Variants in ZNF184 observed in about 807,000 individuals in gnomAD.
The protein encoded by ZNF184 is zinc finger protein 184.
In ZNF184, 16 loss-of-function variants were observed where a neutral mutation model predicts 54.4. The observed-to-expected ratio is 0.29, with a 90% CI of 0.20 to 0.45. ZNF184 has a LOEUF of 0.45. Among genes scored for constraint, ZNF184 ranks in the 20% least tolerant of loss-of-function variants. The pLI, the probability that ZNF184 is intolerant of heterozygous loss-of-function variation, is 1.00. For synonymous variants in ZNF184, 254 were observed against 295.3 expected, an observed-to-expected ratio of 0.86 and a Z score of 1.43; for missense variants, 681 against 888.2, an observed-to-expected ratio of 0.77 and a Z score of 2.97.
At chr6:27,407,771 G>A in the ZNF184 span, 2 of 774,520 alleles carry the variant, frequency 2.6e-6, no homozygotes, top group Non-Finnish European at 2.4e-6. Context: ...TACAAGATTT[G>A]CAGCTCCATT....
At chr6:27,458,938 G>T (rs7743465) in intron 3 of ZNF184, among the ~76,000 whole-genome samples, 91,751 of 152,058 alleles carry the variant, frequency 0.6, 27,778 homozygotes, top group Middle Eastern at 0.75. Flanking sequence ...TGGTAACATG[G>T]ATGTACCTGC....
intron 2 of ZNF184, among the ~76,000 whole-genome samples, chr6:27,468,693 A>C (rs921062274): frequency 5.9e-5 from 9 of 152,240 alleles, no homozygotes; most frequent in African/African-American, 2.2e-4. Flanking sequence ...AATATAAGAA[A>C]GAGCTACTAA....
chr6:27,471,901 G>C (rs541431856), intron 2 of ZNF184, among the ~76,000 whole-genome samples: 2 of 149,336 alleles, frequency 1.3e-5, no homozygotes, highest in South Asian at 4.2e-4. Context: ...ACACTAGTTC[G>C]GGCATAGGGT....
At chr6:27,466,312 TTG>T (rs1483893277) in intron 3 of ZNF184, among the ~76,000 whole-genome samples, 1 of 152,190 alleles carries the variant, frequency 6.6e-6, no homozygotes, top group Admixed American at 6.6e-5. Flanking sequence ...ACAACCTATT[TTG>T]GACTTTTGAC....
Position 27,454,631 on chromosome 6 carries a change from G to C in ZNF184, c.299-1371C>G, listed in dbSNP as rs551106408. Among the ~76,000 whole-genome samples the C allele has an allele frequency of 2.6e-5, 4 of 151,092 alleles. No individual in the cohort carries two copies. In the South Asian group the frequency reaches 8.4e-4, roughly 32 times the overall value. On this transcript the variant is annotated intron_variant, in intron 5 of 5. Coordinates refer to ENST00000683788, the MANE Select transcript of ZNF184 (RefSeq NM_001318891.2). Reference sequence around the variant, plus strand: ...AGTGGCAGATCTCCAACCCTGGTTGGAGTTCCACTCAAAGGCAACATGAAA... The same window carrying C: ...AGTGGCAGATCTCCAACCCTGGTTGCAGTTCCACTCAAAGGCAACATGAAA...
the ZNF184 span, among the ~76,000 whole-genome samples, chr6:27,411,893 C>T: frequency 1.4e-4 from 22 of 152,324 alleles, no homozygotes; most frequent in East Asian, 4.3e-3. Context: ...GCCCAGGGCC[C>T]CTAGCCCATC....
At chr6:27,467,827 T>C in intron 3 of ZNF184, 26 bp downstream of exon 3, 2 of 1,582,360 alleles carry the variant, frequency 1.3e-6, no homozygotes, top group Non-Finnish European at 1.7e-6. Context: ...AAGAATAAAA[T>C]GGCATTTCAA....
chr6:27,469,851 A>G (rs1210733559), intron 2 of ZNF184, among the ~76,000 whole-genome samples: 2 of 152,222 alleles, frequency 1.3e-5, no homozygotes, highest in African/African-American at 4.8e-5. Flanking sequence ...TATTTTAGGC[A>G]TTAACCAAGG....
chr6:27,432,232 A>G, the ZNF184 span, among the ~76,000 whole-genome samples: 1 of 152,160 alleles, frequency 6.6e-6, no homozygotes, highest in Non-Finnish European at 1.5e-5. This position sits in a 1 kb window ranked among gnomAD's most constrained non-coding sequence, Gnocchi z 4.0. Context: ...GAAACAGACA[A>G]TTACAGGTAG....
the ZNF184 span, among the ~76,000 whole-genome samples, chr6:27,436,808 G>A: frequency 1.3e-5 from 2 of 152,168 alleles, no homozygotes; most frequent in African/African-American, 2.4e-5. Context: ...AACTAGGATC[G>A]TGACCAGCTC....
intron 3 of ZNF184, among the ~76,000 whole-genome samples, chr6:27,461,103 T>C (rs771583172): frequency 1.3e-5 from 2 of 151,940 alleles, no homozygotes; most frequent in Non-Finnish European, 2.9e-5. Context: ...AGGTGCCGAG[T>C]GTGGGGTCTA....
chr6:27,417,102 T>C, the ZNF184 span, among the ~76,000 whole-genome samples: 461 of 152,280 alleles, frequency 3.0e-3, 1 homozygote, highest in African/African-American at 0.011. Context: ...AGTCCATGCC[T>C]ATCCCAATTC....
At chr6:27,413,271 G>GA in the ZNF184 span, among the ~76,000 whole-genome samples, 1,636 of 148,500 alleles carry the variant, frequency 0.011, 27 homozygotes, top group African/African-American at 0.036. Flanking sequence ...AAGAAAGAAA[G>GA]AAAAAAAAAC....
chr6:27,427,581 G>A, the ZNF184 span, among the ~76,000 whole-genome samples: 1 of 152,106 alleles, frequency 6.6e-6, no homozygotes, highest in Admixed American at 6.5e-5. Flanking sequence ...TCTTTCTGCT[G>A]CAACTTAAAC....
At position 27,456,891 on chromosome 6, in the gene ZNF184, G is replaced by A. The variant is rs147964093; in HGVS notation, c.233C>T (p.Ser78Phe). The change falls in exon 5 of 6, where the codon TCC becomes TTC. Residue 78 changes from serine to phenylalanine, a missense_variant. By Grantham distance (155) the Ser-to-Phe change is radical. Coordinates refer to ENST00000683788, the MANE Select transcript of ZNF184 (RefSeq NM_001318891.2). ...TGGCTCTGTCCCTTGCTCTAACTGG[G>A]AAATCACATCAGGTTTAGAAACTTG... ...GLQVSKPDVI[S>F]QLEQGTEPWI... 6.2e-7 allele frequency: 1 copy of A among 1,613,988 alleles called. No individual in the cohort carries two copies. The highest frequency in any genetic ancestry group is 8.5e-7 in the Non-Finnish European group (1 of 1,180,024).
the ZNF184 span, among the ~76,000 whole-genome samples, chr6:27,409,701 T>C: frequency 2.6e-5 from 4 of 152,212 alleles, no homozygotes; most frequent in Non-Finnish European, 5.9e-5. Flanking sequence ...AAAAAAGTTA[T>C]AGTAAGTTAA....
chr6:27,413,274 A>G, the ZNF184 span, among the ~76,000 whole-genome samples: 1 of 152,210 alleles, frequency 6.6e-6, no homozygotes, highest in African/African-American at 2.4e-5. Context: ...AAAGAAAGAA[A>G]AAAAAACAGA....
chr6:27,406,724 A>G, the ZNF184 span: 2 of 152,274 alleles, frequency 1.3e-5, no homozygotes, highest in Admixed American at 6.5e-5. Context: ...ACAACATAGG[A>G]AGTGTGCTCC....
At chr6:27,415,186 T>A in the ZNF184 span, among the ~76,000 whole-genome samples, 4 of 152,258 alleles carry the variant, frequency 2.6e-5, no homozygotes, top group Non-Finnish European at 5.9e-5. Context: ...TACTCTACAG[T>A]TGGTTCAGGA....
Sources: gnomAD v4.1 joint callset for allele counts (sites outside exome capture counted in the v4.1 genomes callset) on GRCh38, gnomAD v4.1.1 for gene constraint, Gnocchi (gnomAD v3.1) non-coding constraint, MANE v1.5 for transcripts, NCBI Gene and HGNC (gene_info 2026-07-23, HGNC 2026-07-21) for gene names.